FSCN3: variants seen among roughly 807,000 people sequenced by gnomAD.
FSCN3 encodes fascin actin-bundling protein 3.
A neutral mutation model predicts 53.5 loss-of-function variants in FSCN3; 43 were observed. The observed-to-expected ratio is 0.80, with a 90% CI of 0.63 to 1.04. The LOEUF (loss-of-function observed/expected upper bound fraction) is 1.04. FSCN3 is among the 50% of genes least tolerant of loss of function. FSCN3 has a pLI of 0.00. For missense variants in FSCN3, 594 were observed against 646.5 expected (o/e 0.92, Z 0.88); for synonymous variants, 235 against 246.6 (o/e 0.95, Z 0.44).
chr7:127,600,152 C>G (rs1413545491), intron 5 of FSCN3, 42 bp from the exon 6 acceptor site: 1 of 1,085,082 alleles, frequency 9.2e-7, no homozygotes, highest in Non-Finnish European at 1.4e-6. Context: ...CTGGAGGACT[C>G]CCCTGTGAAT....
rs1315096293 is a variant in FSCN3, at chr7:127,601,735, T to A, written c.*113T>A. On this transcript the variant is annotated 3_prime_UTR_variant, in exon 7 of 7. Coordinates refer to ENST00000265825, the MANE Select transcript of FSCN3 (RefSeq NM_020369.3). ...AGAGAAGAACATCTGTTACAACTTT[T>A]CCTACCCAGTTTAGCAAAACACCTG... The A allele has an allele frequency of 1.3e-5, 2 of 152,208 alleles. No individual in the cohort carries two copies. Among genetic ancestry groups the A allele is most frequent in the Non-Finnish European group, 2.9e-5 (2 of 68,046 alleles). The allele number at this position is 152,208 out of a possible 1,614,324, so 9.4% of individuals were successfully genotyped here. A position where few individuals can be genotyped will look rare whatever the true frequency, so the allele number is the denominator to read the frequency against.
chr7:127,594,160 CTGTGTGTGTGTGTGTGTGTGTGTG>C (rs749215425), intron 1 of FSCN3, among the ~76,000 whole-genome samples, 163 bp downstream of exon 1: 1 of 89,206 alleles, frequency 1.1e-5, no homozygotes, highest in Non-Finnish European at 2.2e-5. Flanking sequence ...AGTGGCCAAG[CTGTGTGTGTGTGTGTGTGTGTGTG>C]TGTGTGTGTG....
chr7:127,596,609 A>C (rs1794393429), intron 3 of FSCN3, 163 bp downstream of exon 3: 1 of 428,876 alleles, frequency 2.3e-6, no homozygotes, highest in Admixed American at 4.0e-5. Flanking sequence ...CCTTTAAAAA[A>C]AAAAAACAAA....
At chr7:127,598,195 C>G (rs1335238348) in intron 3 of FSCN3, among the ~76,000 whole-genome samples, 1 of 152,186 alleles carries the variant, frequency 6.6e-6, no homozygotes, top group African/African-American at 2.4e-5. Context: ...TTATTTCTCT[C>G]CCTATGATAT....
intron 3 of FSCN3, among the ~76,000 whole-genome samples, chr7:127,597,209 T>A (rs1794402342): frequency 1.3e-5 from 2 of 152,254 alleles, no homozygotes; most frequent in South Asian, 4.1e-4. Flanking sequence ...TTTGTGAACA[T>A]ACATTTTCAT....
rs200491690 is a variant in FSCN3 at position 127,596,314 on chromosome 7, C to T, written c.842-14C>T. ...CTGAGGGGAGGCTTTTACTGACATGCGCTTCCTCTGCAGATGGTGAGGTGC... is the reference window on the plus strand; with the variant it reads ...CTGAGGGGAGGCTTTTACTGACATGTGCTTCCTCTGCAGATGGTGAGGTGC... On this transcript the variant is annotated splice_polypyrimidine_tract_variant and intron_variant, in intron 2 of 6. Coordinates refer to ENST00000265825, the MANE Select transcript of FSCN3 (RefSeq NM_020369.3). The T allele has an allele frequency of 3.9e-5, 62 of 1,581,226 alleles. No homozygotes were observed. In the African/African-American group the frequency reaches 5.9e-4, roughly 15 times the overall value.
At chr7:127,596,807 A>G (rs539383369) in intron 3 of FSCN3, among the ~76,000 whole-genome samples, 1 of 152,348 alleles carries the variant, frequency 6.6e-6, no homozygotes, top group East Asian at 1.9e-4. Flanking sequence ...TAAGCATATC[A>G]CAAGTGAGAA....
chr7:127,600,448 C>T (rs1176736190), intron 6 of FSCN3, 49 bp downstream of exon 6: 10 of 1,161,576 alleles, frequency 8.6e-6, no homozygotes, highest in Non-Finnish European at 1.3e-5. Context: ...AGCCATGGGG[C>T]AAGAGGAGAA....
Position 127,593,914 on chromosome 7 carries a change from A to G in FSCN3, c.61A>G (p.Ile21Val), listed in dbSNP as rs1198346988. The change falls in exon 1 of 7, where the codon ATC becomes GTC. Residue 21 changes from isoleucine to valine, a missense_variant. By Grantham distance (29) the Ile-to-Val change is conservative (BLOSUM62 3). Coordinates refer to ENST00000265825, the MANE Select transcript of FSCN3 (RefSeq NM_020369.3). The stretch of plus-strand genomic sequence containing the variant: ...GGCTGAGGACCTAAGGGTTGGGCTC[A>G]TCAGCTGGGCAGGAACCTACCTCAC... Reference protein sequence around the residue: ...PKAEDLRVGLISWAGTYLTFE... With the variant: ...PKAEDLRVGLVSWAGTYLTFE... 6.2e-7 allele frequency: 1 copy of G among 1,603,016 alleles called. No homozygotes were observed. Among genetic ancestry groups the G allele is most frequent in the East Asian group, 2.2e-5 (1 of 44,610 alleles).
chr7:127,598,063 C>A (rs1371395467), intron 3 of FSCN3, among the ~76,000 whole-genome samples: 1 of 152,222 alleles, frequency 6.6e-6, no homozygotes. Flanking sequence ...CCCAAGAAAT[C>A]ATTGCCTACC....
In FSCN3 at chr7:127,595,342, A is replaced by C; in HGVS notation, c.180A>C (p.Thr60=). 6.2e-7 allele frequency: 1 copy of C among 1,613,570 alleles called. No individual in the cohort carries two copies. The highest frequency in any genetic ancestry group is 1.1e-5 in the South Asian group (1 of 91,020). Residue 60 remains threonine, a synonymous_variant, in exon 2 of 7, where the codon ACA becomes ACC. Coordinates refer to ENST00000265825, the MANE Select transcript of FSCN3 (RefSeq NM_020369.3). Reference sequence around the variant, plus strand: ...TCTTGGTGAGCAATGAGCATGAGACACAGGCCGTGGTGCGACTAAAGAGCG... The same window carrying C: ...TCTTGGTGAGCAATGAGCATGAGACCCAGGCCGTGGTGCGACTAAAGAGCG... ...WEILVSNEHE[T]QAVVRLKSVQ...
At chr7:127,594,637 A>C in intron 1 of FSCN3, 1 of 471,168 alleles carries the variant, frequency 2.1e-6, no homozygotes, top group Non-Finnish European at 4.4e-6. Context: ...TGCAAAGCCT[A>C]TGTTTCTGTT....
At chr7:127,600,155 C>G (rs747100059) in intron 5 of FSCN3, 39 bp from the exon 6 acceptor site, 1 of 1,152,234 alleles carries the variant, frequency 8.7e-7, no homozygotes, top group Admixed American at 1.7e-5. Flanking sequence ...GAGGACTCCC[C>G]TGTGAATGGC....
At chr7:127,595,060 A>G in intron 1 of FSCN3, 1 of 585,926 alleles carries the variant, frequency 1.7e-6, no homozygotes, top group South Asian at 2.0e-5. Context: ...GGAGGTAGAC[A>G]TCTAGAACTT....
At chr7:127,598,975 A>AT (rs1385326549) in intron 4 of FSCN3, among the ~76,000 whole-genome samples, 1 of 151,934 alleles carries the variant, frequency 6.6e-6, no homozygotes, top group Admixed American at 6.6e-5. Context: ...AAAAAAAAAA[A>AT]AGTACTGGAG....
At chr7:127,596,201 A>G in intron 2 of FSCN3, 127 bp from the exon 3 acceptor site, 1 of 1,516,944 alleles carries the variant, frequency 6.6e-7, no homozygotes, top group Non-Finnish European at 8.8e-7. Flanking sequence ...GGTCTTCTCC[A>G]GACCTACCAT....
chr7:127,596,384 G>A lies in FSCN3; in HGVS notation c.898G>A (p.Glu300Lys). ...AAACCGAATGTCCTTGTTCCAGTTT[G>A]AATGTGACAGTGAGAGCCCCACTGT... ...RLNRMSLFQF[E>K]CDSESPTVQL... The change falls in exon 3 of 7, where the codon GAA becomes AAA. Residue 300 changes from glutamate (E) to lysine (K), a missense_variant. By Grantham distance (56) the Glu-to-Lys change is moderately conservative. Coordinates refer to ENST00000265825, the MANE Select transcript of FSCN3 (RefSeq NM_020369.3). 6.2e-7 allele frequency: 1 copy of A among 1,613,100 alleles called. No individual in the cohort carries two copies. Among genetic ancestry groups the A allele is most frequent in the Non-Finnish European group, 8.5e-7 (1 of 1,179,062 alleles).
At chr7:127,598,620 A>G (rs746980409) in intron 4 of FSCN3, 26 bp downstream of exon 4, 9 of 1,571,954 alleles carry the variant, frequency 5.7e-6, no homozygotes, top group Non-Finnish European at 7.8e-6. Flanking sequence ...TTCCTGCCAG[A>G]TGATTCCAAG....
At chr7:127,599,662 C>T in intron 5 of FSCN3, 111 bp downstream of exon 5, 2 of 1,036,480 alleles carry the variant, frequency 1.9e-6, no homozygotes, top group South Asian at 1.6e-5. Flanking sequence ...AAAGGAAAAA[C>T]AGGCCAGGCG....
Sources: allele counts gnomAD v4.1 joint callset (sites outside exome capture counted in the v4.1 genomes callset), GRCh38; gene constraint gnomAD v4.1.1; transcripts MANE v1.5; gene names NCBI Gene and HGNC (gene_info 2026-07-23, HGNC 2026-07-21).